The following OPHN1 variants were observed in gnomAD, a reference collection of about 807,000 sequenced individuals.
OPHN1 encodes the protein oligophrenin 1, also known as oligophrenin-1.
In OPHN1, 11 loss-of-function variants were observed where a neutral mutation model predicts 60.7. The ratio of observed to expected loss-of-function variants is 0.18; its 90% CI spans 0.11 to 0.30. OPHN1 has a LOEUF of 0.30. Among genes scored for constraint, OPHN1 ranks in the 10% least tolerant of loss-of-function variants. The probability of loss-of-function intolerance (pLI) is 1.00; values close to 1 mark genes in which losing one functional copy is unlikely to be tolerated. For synonymous variants in OPHN1, 226 were observed against 222.6 expected, an observed-to-expected ratio of 1.02 and a Z score of -0.14; for missense variants, 449 against 611.0, an observed-to-expected ratio of 0.73 and a Z score of 2.80.
chrX:68,210,104 A>G (rs1377748078), intron 9 of OPHN1, 49 bp downstream of exon 9: 32 of 1,193,116 alleles, frequency 2.7e-5, no homozygotes, highest in Non-Finnish European at 3.4e-5. Flanking sequence ...AAGTGGCAGT[A>G]GTTCCTGGCT....
chrX:68,169,002 G>T (rs2077374891), intron 15 of OPHN1, among the ~76,000 whole-genome samples: 1 of 111,346 alleles, frequency 9.0e-6, no homozygotes, highest in Non-Finnish European at 1.9e-5. Flanking sequence ...TGAAATTGTG[G>T]CAATAATCAA....
intron 15 of OPHN1, among the ~76,000 whole-genome samples, chrX:68,162,990 C>G (rs994156954): frequency 2.7e-5 from 3 of 110,584 alleles, no homozygotes; most frequent in African/African-American, 9.8e-5. Context: ...TATTTAAAAC[C>G]TGCTAGTACT....
At chrX:68,279,262 G>A (rs1325795329) in intron 4 of OPHN1, among the ~76,000 whole-genome samples, 1 of 104,682 alleles carries the variant, frequency 9.6e-6, no homozygotes, top group Non-Finnish European at 2.0e-5. Context: ...AGAGATGCAC[G>A]ATAACGCCCA....
At chrX:68,330,132 C>T (rs1368919315) in intron 2 of OPHN1, among the ~76,000 whole-genome samples, 2 of 107,877 alleles carry the variant, frequency 1.9e-5, no homozygotes, top group African/African-American at 6.8e-5. Context: ...CAGAGTTTCA[C>T]TCTGTCGCCC....
chrX:68,103,237 A>G (rs2077067222), intron 18 of OPHN1, among the ~76,000 whole-genome samples: 1 of 112,374 alleles, frequency 8.9e-6, no homozygotes, highest in African/African-American at 3.2e-5. Context: ...GCAAATCAAT[A>G]AATGTAATCC....
chrX:68,133,327 T>G lies in OPHN1; in HGVS notation c.1277-13995A>C, dbSNP rs752388566. 29 of 634,577 alleles carry G rather than the reference T, an allele frequency of 4.6e-5. No homozygotes were observed. In the Admixed American group the frequency reaches 6.0e-4, roughly 13 times the overall value. 52.3% of individuals were successfully genotyped at this position (634,577 alleles called of 1,213,427 possible). On this transcript the variant is annotated intron_variant, in intron 15 of 24. Coordinates refer to ENST00000355520, the MANE Select transcript of OPHN1 (RefSeq NM_002547.3). ...ATGAAGACAAGATTCAGGAGGAGTA[T>G]GAGCAAATCCTCAATACCAAACTAG...
intron 2 of OPHN1, among the ~76,000 whole-genome samples, chrX:68,315,734 C>T (rs2078196105): frequency 9.1e-6 from 1 of 110,252 alleles, no homozygotes; most frequent in Non-Finnish European, 1.9e-5. Flanking sequence ...ACAAAACCAA[C>T]ACAAAAAAAA....
intron 2 of OPHN1, among the ~76,000 whole-genome samples, chrX:68,406,406 G>T (rs1396720634): frequency 9.0e-6 from 1 of 110,789 alleles, no homozygotes; most frequent in East Asian, 2.8e-4. Context: ...GAGGTCAGGA[G>T]TTCGAGACCA....
chrX:68,223,229 C>A (rs1308428696), intron 6 of OPHN1, among the ~76,000 whole-genome samples: 1 of 111,959 alleles, frequency 8.9e-6, no homozygotes, highest in African/African-American at 3.2e-5. Context: ...AGAAAAGACA[C>A]CTGCACTCCT....
intron 2 of OPHN1, among the ~76,000 whole-genome samples, chrX:68,394,021 G>C (rs368104492): frequency 1.0e-5 from 1 of 98,703 alleles, no homozygotes; most frequent in Non-Finnish European, 2.0e-5. Context: ...TCAGCCTCCC[G>C]AGTAGCTGGG....
At chrX:68,361,357 G>A (rs1010662215) in intron 2 of OPHN1, among the ~76,000 whole-genome samples, 6 of 108,701 alleles carry the variant, frequency 5.5e-5, no homozygotes, top group Non-Finnish European at 7.6e-5. Context: ...GTGGGCGCCT[G>A]TAGTCCCAGC....
At chrX:68,263,438 C>G (rs1028160198) in intron 5 of OPHN1, among the ~76,000 whole-genome samples, 8 of 111,674 alleles carry the variant, frequency 7.2e-5, no homozygotes, top group Non-Finnish European at 1.1e-4. Context: ...AGTCCATCGT[C>G]AATCGGACAG....
chrX:68,313,442 G>A (rs1422285062), intron 2 of OPHN1, among the ~76,000 whole-genome samples: 3 of 111,990 alleles, frequency 2.7e-5, no homozygotes, highest in South Asian at 3.7e-4. Flanking sequence ...CATATACCAC[G>A]TCATTCACAA....
At chrX:68,186,670 A>G (rs1391493549) in intron 15 of OPHN1, among the ~76,000 whole-genome samples, 1 of 111,475 alleles carries the variant, frequency 9.0e-6, no homozygotes, top group Admixed American at 9.6e-5. Context: ...AGTGGCTTAT[A>G]AACAACAGAA....
At chrX:68,322,463 T>C (rs1280668796) in intron 2 of OPHN1, among the ~76,000 whole-genome samples, 2 of 111,955 alleles carry the variant, frequency 1.8e-5, no homozygotes, top group Admixed American at 1.9e-4. Context: ...CAAGCTATGA[T>C]ACATCCATGC....
chrX:68,163,330 T>C (rs2077343246), intron 15 of OPHN1, among the ~76,000 whole-genome samples: 1 of 111,034 alleles, frequency 9.0e-6, no homozygotes, highest in Admixed American at 9.6e-5. Context: ...TCATGCAGTA[T>C]TTTTCTTTCT....
intron 2 of OPHN1, among the ~76,000 whole-genome samples, chrX:68,301,174 G>T (rs2078118035): frequency 9.0e-6 from 1 of 111,670 alleles, no homozygotes; most frequent in Admixed American, 9.6e-5. Flanking sequence ...AGCCGGGTGT[G>T]GTGGCTCACG....
At chrX:68,205,064 G>A (rs917619806) in intron 10 of OPHN1, among the ~76,000 whole-genome samples, 8 of 111,970 alleles carry the variant, frequency 7.1e-5, no homozygotes, top group African/African-American at 1.3e-4. Context: ...CTAAAACACA[G>A]GATGAATTTA....
At position 68,192,987 on chromosome X, in the gene OPHN1, T is replaced by C; in HGVS notation, c.1208A>G (p.Lys403Arg). 3 of 1,207,801 alleles carry C rather than the reference T, an allele frequency of 2.5e-6. No homozygotes were observed. Among genetic ancestry groups the C allele is most frequent in the Non-Finnish European group, 3.4e-6 (3 of 891,955 alleles). The change falls in exon 15 of 25, where the codon AAG becomes AGG. Residue 403 changes from lysine to arginine, a missense_variant. Coordinates refer to ENST00000355520, the MANE Select transcript of OPHN1 (RefSeq NM_002547.3). ...CINIIETKGI[K>R]TEGLYRTVGS... is the part of the protein sequence containing the mutation. ...CACAGTGCGGTACAACCCTTCTGTC[T>C]TGATCCCTAGTGGAGGAAAAAATCA... is the stretch of plus-strand genomic sequence containing the variant.
Sources: gnomAD v4.1 joint callset for allele counts (sites outside exome capture counted in the v4.1 genomes callset) on GRCh38, gnomAD v4.1.1 for gene constraint, MANE v1.5 for transcripts, NCBI Gene and HGNC (gene_info 2026-07-23, HGNC 2026-07-21) for gene names.